BIRC6: variants seen among roughly 807,000 people sequenced by gnomAD.
BIRC6 encodes the protein baculoviral IAP repeat containing 6.
A neutral mutation model predicts 503.3 loss-of-function variants in BIRC6; 98 were observed. The ratio of observed to expected loss-of-function variants is 0.19; its 90% CI spans 0.17 to 0.23. The LOEUF is 0.23. Ranked by LOEUF, BIRC6 falls within the 10% of genes least tolerant of loss-of-function variation. BIRC6 has a pLI of 1.00. For synonymous variants in BIRC6, 2,240 were observed against 2,078.7 expected, an observed-to-expected ratio of 1.08 and a Z score of -2.11; for missense variants, 5,360 against 5,806.0, an observed-to-expected ratio of 0.92 and a Z score of 2.50.
chr2:32,563,216 T>G (rs1385398353), intron 65 of BIRC6: 1 of 152,232 alleles, frequency 6.6e-6, no homozygotes, highest in East Asian at 1.9e-4. Flanking sequence ...TGTGCACTAC[T>G]TTGCTAAATG....
chr2:32,521,365 C>CAAAAAAAAAAAAAAAAAAAAAAAA lies in BIRC6; in HGVS notation c.11623+2424_11623+2447dup, dbSNP rs35410265. 1.4e-4 allele frequency among the ~76,000 whole-genome samples: 3 copies of CAAAAAAAAAAAAAAAAAAAAAAAA among 21,506 alleles called. 1 individual carries two copies. The highest frequency in any genetic ancestry group is 2.4e-4 in the Non-Finnish European group (3 of 12,334). 14.1% of individuals were successfully genotyped at this position (21,506 alleles called of 152,430 possible). A position where few individuals can be genotyped will look rare whatever the true frequency, so the allele number is the denominator to read the frequency against. The stretch of plus-strand genomic sequence containing the variant: ...TGGGCAACATAGCAAGACCTCATCT[C>CAAAAAAAAAAAAAAAAAAAAAAAA]AAAAAAAAAAAAAAAAAAAAAAAAA... On this transcript the variant is annotated intron_variant, in intron 57 of 73. Coordinates refer to ENST00000421745, the MANE Select transcript of BIRC6 (RefSeq NM_016252.4).
At chr2:32,610,968 G>A (rs1376986727) in intron 72 of BIRC6, among the ~76,000 whole-genome samples, 1 of 151,868 alleles carries the variant, frequency 6.6e-6, no homozygotes, top group Admixed American at 6.6e-5. Flanking sequence ...CTTGTGATTC[G>A]CCTGCCTTGA....
At chr2:32,465,041 A>C (rs187901351) in intron 25 of BIRC6, 24 bp from the exon 26 acceptor site, 3 of 1,103,006 alleles carry the variant, frequency 2.7e-6, no homozygotes, top group African/African-American at 1.6e-5. Flanking sequence ...ATAAAGTTAG[A>C]TTTTTTTTTT....
chr2:32,357,063 C>A lies in BIRC6; in HGVS notation c.-99C>A, dbSNP rs2033159083. 2 of 1,086,960 alleles carry A rather than the reference C, an allele frequency of 1.8e-6. No individual in the cohort carries two copies. Among genetic ancestry groups the A allele is most frequent in the East Asian group, 3.1e-5 (1 of 32,026 alleles). The allele number at this position is 1,086,960 out of a possible 1,614,324, so 67.3% of individuals were successfully genotyped here. ...TCCCCCTCTCCCGTCAGCCTCCCTC[C>A]GAGTTTGGCCCCTCCGGCCGGGCGA... On this transcript the variant is annotated 5_prime_UTR_variant, in exon 1 of 74. Coordinates refer to ENST00000421745, the MANE Select transcript of BIRC6 (RefSeq NM_016252.4). The surrounding 1 kb of genome is among the most constrained non-coding windows in gnomAD (Gnocchi z 4.9).
intron 61 of BIRC6, among the ~76,000 whole-genome samples, chr2:32,533,889 G>A (rs1406607240): frequency 6.6e-6 from 1 of 152,190 alleles, no homozygotes; most frequent in Non-Finnish European, 1.5e-5. Context: ...GCTGTTCTGA[G>A]CCACTGAGTT....
intron 8 of BIRC6, among the ~76,000 whole-genome samples, 171 bp from the exon 9 acceptor site, chr2:32,406,328 G>T (rs1558639031): frequency 2.0e-5 from 3 of 152,134 alleles, no homozygotes; most frequent in African/African-American, 4.8e-5. Context: ...GCCAGGAGGA[G>T]GTCAGGGCTG....
At chr2:32,617,358 G>T (rs557077799) in intron 73 of BIRC6, among the ~76,000 whole-genome samples, 1 of 152,128 alleles carries the variant, frequency 6.6e-6, no homozygotes, top group African/African-American at 2.4e-5. Context: ...CTGAGATCGC[G>T]CCAGTGCACT....
intron 66 of BIRC6, among the ~76,000 whole-genome samples, chr2:32,578,096 G>T (rs1486870103): frequency 6.6e-6 from 1 of 152,102 alleles, no homozygotes; most frequent in Non-Finnish European, 1.5e-5. Context: ...CTGCTAATCT[G>T]TGCAGCCTCT....
chr2:32,576,019 T>TA (rs1330948216), intron 66 of BIRC6, among the ~76,000 whole-genome samples: 1 of 152,210 alleles, frequency 6.6e-6, no homozygotes, highest in East Asian at 1.9e-4. Context: ...TGTCAATAAA[T>TA]ACCACTGACA....
chr2:32,463,220 G>A lies in BIRC6; in HGVS notation c.4780G>A (p.Val1594Ile), dbSNP rs1383050313. Residue 1594 changes from valine (V) to isoleucine (I), a missense_variant, in exon 24 of 74, where the codon GTA (valine) becomes ATA (isoleucine). Transcript: ENST00000421745. ...AMSSFGVTPA[V>I]GGLSSGTVGE... ...GAGTTCCTTCGGGGTTACTCCTGCA[G>A]TAGGTGGACTATCATCTGGGACAGT... 1.9e-6 allele frequency: 3 copies of A among 1,613,130 alleles called. No homozygotes were observed. The highest frequency in any genetic ancestry group is 2.2e-5 in the South Asian group (2 of 90,888).
chr2:32,596,893 G>C (rs1383300616), intron 68 of BIRC6, among the ~76,000 whole-genome samples: 1 of 152,064 alleles, frequency 6.6e-6, no homozygotes, highest in Non-Finnish European at 1.5e-5. Context: ...AGAGATTCTG[G>C]TTTAAAGTTA....
intron 49 of BIRC6, among the ~76,000 whole-genome samples, chr2:32,504,077 T>TGTGTGTGTGTGTGTGTG (rs58131659): frequency 3.4e-5 from 5 of 145,624 alleles, no homozygotes; most frequent in Admixed American, 1.4e-4. Context: ...TGTGTGTGTG[T>TGTGTGTGTGTGTGTGTG]TTAGTAGAGA....
chr2:32,574,481 T>TGA (rs1276877663), intron 65 of BIRC6: 1 of 152,544 alleles, frequency 6.6e-6, no homozygotes, highest in Non-Finnish European at 1.5e-5. Context: ...ACTGGAAGCC[T>TGA]TACTGATAAT....
chr2:32,514,110 G>A (rs888916943), intron 54 of BIRC6, among the ~76,000 whole-genome samples: 1 of 152,002 alleles, frequency 6.6e-6, no homozygotes, highest in Non-Finnish European at 1.5e-5. Flanking sequence ...CACTTGAAAC[G>A]AGGCGTTTAA....
At chr2:32,440,291 G>A (rs1311680037) in intron 16 of BIRC6, among the ~76,000 whole-genome samples, 1 of 152,080 alleles carries the variant, frequency 6.6e-6, no homozygotes, top group African/African-American at 2.4e-5. Context: ...TATTTCTTTT[G>A]GTATGAGAGT....
intron 73 of BIRC6, among the ~76,000 whole-genome samples, chr2:32,613,600 C>G (rs1002235315): frequency 6.6e-6 from 1 of 151,942 alleles, no homozygotes; most frequent in Non-Finnish European, 1.5e-5. Flanking sequence ...AGGCTGGTCT[C>G]GAACTCCAGG....
At chr2:32,384,449 C>G (rs2038153162) in intron 3 of BIRC6, among the ~76,000 whole-genome samples, 1 of 151,236 alleles carries the variant, frequency 6.6e-6, no homozygotes. Context: ...CCATGACATT[C>G]TGTCAGTCCA....
At chr2:32,552,948 T>A (rs1444043522) in intron 65 of BIRC6, among the ~76,000 whole-genome samples, 4 of 149,736 alleles carry the variant, frequency 2.7e-5, no homozygotes, top group Non-Finnish European at 5.9e-5. Context: ...AAACAATCCA[T>A]ATTTAATATC....
intron 61 of BIRC6, chr2:32,532,199 C>T: frequency 1.9e-6 from 1 of 514,010 alleles, no homozygotes; most frequent in Non-Finnish European, 3.9e-6. Context: ...GCTCTAGACT[C>T]TATTATAGTT....
Sources: gnomAD v4.1 joint callset for allele counts (sites outside exome capture counted in the v4.1 genomes callset) on GRCh38, gnomAD v4.1.1 for gene constraint, Gnocchi (gnomAD v3.1) non-coding constraint, MANE v1.5 for transcripts, NCBI Gene and HGNC (gene_info 2026-07-23, HGNC 2026-07-21) for gene names.